The following ZNF385D variants were observed in gnomAD, a reference collection of about 807,000 sequenced individuals.
ZNF385D encodes the protein zinc finger protein 385D.
ZNF385D carries 15 observed loss-of-function variants against 35.8 expected under a neutral mutation model. The ratio of observed to expected loss-of-function variants is 0.42; its 90% CI spans 0.28 to 0.64. The LOEUF (loss-of-function observed/expected upper bound fraction) is 0.64, where lower values mean the gene tolerates loss of function less well. Among genes scored for constraint, ZNF385D ranks in the 30% least tolerant of loss-of-function variants. The pLI, the probability that ZNF385D is intolerant of heterozygous loss-of-function variation, is 0.23. For synonymous variants in ZNF385D, 212 were observed against 186.8 expected (o/e 1.13, Z -1.10); for missense variants, 474 against 494.6 (o/e 0.96, Z 0.39).
chr3:21,622,319 C>T (rs2065030330), intron 2 of ZNF385D, among the ~76,000 whole-genome samples: 3 of 152,152 alleles, frequency 2.0e-5, no homozygotes, highest in Admixed American at 6.5e-5. Context: ...ACAGTGTCCA[C>T]AGAGGTCATT....
chr3:22,191,180 G>T (rs73032319), intron 2 of ZNF385D, among the ~76,000 whole-genome samples: 8,869 of 147,620 alleles, frequency 0.06, 346 homozygotes, highest in African/African-American at 0.08. Context: ...TAAATAGTGT[G>T]CCATATTGAC....
At chr3:22,006,488 T>C (rs960153543) in intron 3 of ZNF385D, among the ~76,000 whole-genome samples, 3 of 152,048 alleles carry the variant, frequency 2.0e-5, no homozygotes, top group African/African-American at 7.2e-5. Context: ...ATACAAATGA[T>C]TTGGAATAAT....
intron 3 of ZNF385D, among the ~76,000 whole-genome samples, chr3:21,991,661 A>G (rs1268784429): frequency 2.0e-5 from 3 of 152,166 alleles, no homozygotes. Flanking sequence ...AACAGTAAAT[A>G]CTTGTCCTAA....
At chr3:21,834,171 G>A (rs1695180470) in intron 3 of ZNF385D, among the ~76,000 whole-genome samples, 1 of 152,094 alleles carries the variant, frequency 6.6e-6, no homozygotes, top group South Asian at 2.1e-4. Context: ...AGACACTGAT[G>A]TTTGCTTACC....
intron 3 of ZNF385D, among the ~76,000 whole-genome samples, chr3:21,984,725 G>A (rs1694708542): frequency 8.4e-6 from 1 of 119,324 alleles, no homozygotes. Context: ...AGCTTGATGG[G>A]GATGGCATTG....
chr3:22,283,721 A>G (rs2358585), intron 2 of ZNF385D, among the ~76,000 whole-genome samples: 1 of 152,112 alleles, frequency 6.6e-6, no homozygotes, highest in East Asian at 1.9e-4. Context: ...TGAGTTAATA[A>G]ATGTGTGATG....
At chr3:21,762,648 C>A (rs149583360) in intron 3 of ZNF385D, among the ~76,000 whole-genome samples, 92 of 152,228 alleles carry the variant, frequency 6.0e-4, no homozygotes, top group African/African-American at 2.2e-3. Context: ...ATACACTGTC[C>A]AGATCTCTCT....
chr3:21,424,317 A>ATATATATATTTTTATATATATATATATAT (rs1221923155), intron 6 of ZNF385D, among the ~76,000 whole-genome samples: 1 of 63,812 alleles, frequency 1.6e-5, no homozygotes, highest in Non-Finnish European at 2.7e-5. Flanking sequence ...ATATATATAT[A>ATATATATATTTTTATATATATATATATAT]TTTTTTTTTT....
intron 3 of ZNF385D, among the ~76,000 whole-genome samples, chr3:21,976,629 T>G (rs1184214456): frequency 6.6e-6 from 1 of 152,194 alleles, no homozygotes; most frequent in Non-Finnish European, 1.5e-5. Flanking sequence ...AGCCCCAAAC[T>G]GTCCATTAAC....
intron 3 of ZNF385D, among the ~76,000 whole-genome samples, chr3:21,957,431 T>C (rs977210256): frequency 6.6e-6 from 1 of 152,098 alleles, no homozygotes; most frequent in Non-Finnish European, 1.5e-5. Context: ...TGTAGACTTG[T>C]TGAATGGCTT....
intron 2 of ZNF385D, among the ~76,000 whole-genome samples, chr3:22,358,124 T>C (rs758275158): frequency 6.6e-6 from 1 of 151,890 alleles, no homozygotes; most frequent in South Asian, 2.1e-4. Context: ...GTGTCAAATA[T>C]TTCAGCATGT....
chr3:22,291,420 T>C (rs1702296842), intron 2 of ZNF385D, among the ~76,000 whole-genome samples: 2 of 152,174 alleles, frequency 1.3e-5, no homozygotes, highest in East Asian at 3.9e-4. Context: ...TCAAGGTACA[T>C]TAATTAATAG....
chr3:21,739,237 C>T (rs1398096401), intron 1 of ZNF385D, among the ~76,000 whole-genome samples: 1 of 152,190 alleles, frequency 6.6e-6, no homozygotes, highest in African/African-American at 2.4e-5. Context: ...CCACAGCTTG[C>T]TATCACACTC....
intron 6 of ZNF385D, among the ~76,000 whole-genome samples, chr3:21,424,801 G>A (rs891619851): frequency 6.7e-6 from 1 of 148,432 alleles, no homozygotes; most frequent in African/African-American, 2.5e-5. Flanking sequence ...CCATACTAAT[G>A]TTTATCCTCA....
intron 3 of ZNF385D, among the ~76,000 whole-genome samples, chr3:21,782,176 G>A (rs531818403): frequency 3.3e-5 from 5 of 152,082 alleles, no homozygotes; most frequent in East Asian, 1.9e-4. Flanking sequence ...CTCTGCTCCT[G>A]TGAGAGTTGT....
chr3:22,360,970 C>T (rs1254371959), intron 2 of ZNF385D, among the ~76,000 whole-genome samples: 5 of 152,092 alleles, frequency 3.3e-5, no homozygotes, highest in Non-Finnish European at 7.4e-5. Flanking sequence ...TATTATTACC[C>T]AAACCTTTTG....
At chr3:21,989,429 C>G (rs1480528156) in intron 3 of ZNF385D, among the ~76,000 whole-genome samples, 1 of 152,096 alleles carries the variant, frequency 6.6e-6, no homozygotes, top group Non-Finnish European at 1.5e-5. Context: ...TGCACTGATG[C>G]AACAGTCGGA....
chr3:21,850,140 T>C (rs76355476), intron 3 of ZNF385D, among the ~76,000 whole-genome samples: 5,842 of 133,670 alleles, frequency 0.044, 391 homozygotes, highest in African/African-American at 0.15. Flanking sequence ...TATCTCTCTT[T>C]CAAAGGCTTA....
intron 2 of ZNF385D, among the ~76,000 whole-genome samples, chr3:22,240,332 A>T (rs1699424349): frequency 6.6e-6 from 1 of 151,030 alleles, no homozygotes; most frequent in South Asian, 2.2e-4. Flanking sequence ...GAAAGAACAC[A>T]CATAACCCAC....
Sources: gnomAD v4.1 joint callset for allele counts (sites outside exome capture counted in the v4.1 genomes callset) on GRCh38, gnomAD v4.1.1 for gene constraint, MANE v1.5 for transcripts, NCBI Gene and HGNC (gene_info 2026-07-23, HGNC 2026-07-21) for gene names.